Variants in HCFC2 observed in about 807,000 individuals in gnomAD.
HCFC2 encodes the protein host cell factor C2.
HCFC2 carries 18 observed loss-of-function variants against 89.2 expected under a neutral mutation model. The observed-to-expected ratio is 0.20, with a 90% CI of 0.14 to 0.30. HCFC2 has a LOEUF of 0.30. Among genes scored for constraint, HCFC2 ranks in the 10% least tolerant of loss-of-function variants. HCFC2 has a pLI of 1.00. For synonymous variants in HCFC2, 308 were observed against 335.7 expected (o/e 0.92, Z 0.90); for missense variants, 578 against 956.1 (o/e 0.60, Z 5.21).
chr12:104,088,123 T>C, intron 9 of HCFC2, 85 bp downstream of exon 9: 1 of 844,450 alleles, frequency 1.2e-6, no homozygotes, highest in Non-Finnish European at 1.8e-6. Context: ...ACTACTACTC[T>C]AGAAGAGGGG....
chr12:104,099,173 A>G (rs1297876232), intron 13 of HCFC2, among the ~76,000 whole-genome samples: 1 of 152,096 alleles, frequency 6.6e-6, no homozygotes, highest in African/African-American at 2.4e-5. Context: ...AACAGGAGCA[A>G]TGCGTGGAGT....
Position 104,096,358 on chromosome 12 carries a change from A to T in HCFC2, c.1667-2A>T. ...TTATCTGATAAATTGTTTAATTTTT[A>T]GTTGATGAAACATATGCACTGCCTG... is the stretch of plus-strand genomic sequence containing the variant. On this transcript the variant is annotated splice_acceptor_variant, in intron 11 of 14. Transcript: ENST00000229330. LOFTEE classifies it high-confidence loss of function. 6.3e-7 allele frequency: 1 copy of T among 1,581,992 alleles called. No individual in the cohort carries two copies. Among genetic ancestry groups the T allele is most frequent in the Non-Finnish European group, 8.6e-7 (1 of 1,158,924 alleles).
chr12:104,102,841 T>C lies in HCFC2; in HGVS notation c.2065-118T>C, dbSNP rs985423209. 1.3e-5 allele frequency: 11 copies of C among 815,432 alleles called. No homozygotes were observed. The African/African-American group carries it at 1.4e-4, about 10-fold the overall frequency. 50.5% of individuals were successfully genotyped at this position (815,432 alleles called of 1,614,324 possible). A position where few individuals can be genotyped will look rare whatever the true frequency, so the allele number is the denominator to read the frequency against. ...AATCAACAATAAAAGATGTAACATC[T>C]AATGCAATTATTTTAGTAAAAATGA... On this transcript the variant is annotated intron_variant, in intron 14 of 14. Coordinates refer to ENST00000229330, the MANE Select transcript of HCFC2 (RefSeq NM_013320.3).
Position 104,095,430 on chromosome 12 carries a change from A to G in HCFC2, c.1533A>G (p.Thr511=), listed in dbSNP as rs770841331. The part of the protein sequence containing the change: ...CLDVRTVIPE[T]SVSSTVSSTQ... ...ATGTAAGAACAGTAATTCCTGAAAC[A>G]TCTGTATCCAGTACTGTTTCCAGCA... The change falls in exon 11 of 15, where the codon ACA becomes ACG. Residue 511 remains threonine (T), a synonymous_variant. Transcript: ENST00000229330. The surrounding 1 kb of genome is among the most constrained non-coding windows in gnomAD (Gnocchi z 4.2). 1.2e-6 allele frequency: 2 copies of G among 1,613,790 alleles called. No individual in the cohort carries two copies. The highest frequency in any genetic ancestry group is 2.2e-5 in the East Asian group (1 of 44,816).
chr12:104,069,434 C>T (rs1241905817), intron 3 of HCFC2, among the ~76,000 whole-genome samples: 2 of 151,934 alleles, frequency 1.3e-5, no homozygotes, highest in Non-Finnish European at 2.9e-5. Context: ...TATCTTTTGA[C>T]CTACATTTCC....
At position 104,090,284 on chromosome 12, in the gene HCFC2, C is replaced by T. The variant is rs556528306; in HGVS notation, c.1284+2246C>T. Reference sequence around the variant, plus strand: ...ATTTTTTCTAGTGTCTTTTAGCATTCGGTGTTGGTATTGAAAAGTGTGATG... The same window carrying T: ...ATTTTTTCTAGTGTCTTTTAGCATTTGGTGTTGGTATTGAAAAGTGTGATG... On this transcript the variant is annotated intron_variant, in intron 9 of 14. Transcript: ENST00000229330. Among the ~76,000 whole-genome samples, 250 of 152,160 alleles carry T rather than the reference C, an allele frequency of 1.6e-3. 2 individuals carry two copies. The highest frequency in any genetic ancestry group is 5.8e-3 in the African/African-American group (240 of 41,536).
intron 13 of HCFC2, among the ~76,000 whole-genome samples, chr12:104,101,388 G>C (rs2136630882): frequency 6.6e-6 from 1 of 152,196 alleles, no homozygotes; most frequent in East Asian, 1.9e-4. Flanking sequence ...GGGAGGCTGA[G>C]GCAGGAGAAT....
intron 3 of HCFC2, among the ~76,000 whole-genome samples, chr12:104,072,804 A>G (rs1010529351): frequency 7.3e-5 from 11 of 151,720 alleles, no homozygotes; most frequent in South Asian, 2.1e-4. Flanking sequence ...CACCATGCCC[A>G]GCTAATTTTT....
Position 104,095,703 on chromosome 12 carries a change from G to T in HCFC2, c.1666+140G>T. ...TTTAACTTAATTTCTGTGAGCAAGA[G>T]TTTTCATTTGACCTAAATTTAACTT... On this transcript the variant is annotated intron_variant, in intron 11 of 14. Transcript: ENST00000229330. The surrounding 1 kb of genome is among the most constrained non-coding windows in gnomAD (Gnocchi z 4.2). 3.1e-6 allele frequency: 2 copies of T among 640,570 alleles called. No homozygotes were observed. The highest frequency in any genetic ancestry group is 4.4e-5 in the South Asian group (2 of 45,240). 39.7% of individuals were successfully genotyped at this position (640,570 alleles called of 1,614,324 possible).
At position 104,103,648 on chromosome 12, in the gene HCFC2, A is replaced by C. The variant is rs1192967964; in HGVS notation, c.*375A>C. 5.6e-6 allele frequency: 1 copy of C among 178,028 alleles called. No individual in the cohort carries two copies. The highest frequency in any genetic ancestry group is 1.2e-5 in the Non-Finnish European group (1 of 84,254). The allele number at this position is 178,028 out of a possible 1,614,324, so 11.0% of individuals were successfully genotyped here. On this transcript the variant is annotated 3_prime_UTR_variant, in exon 15 of 15. Coordinates refer to ENST00000229330, the MANE Select transcript of HCFC2 (RefSeq NM_013320.3). Reference sequence around the variant, plus strand: ...TGTTGTATACTATGCTGTCTTATATAGTAAATGTTCTCTACATTGTAAATG... The same window carrying C: ...TGTTGTATACTATGCTGTCTTATATCGTAAATGTTCTCTACATTGTAAATG...
rs770461805 is a variant in HCFC2, at chr12:104,102,952, C to G, written c.2065-7C>G. The G allele has an allele frequency of 1.1e-5, 18 of 1,594,902 alleles. No individual in the cohort carries two copies. In the South Asian group the frequency reaches 1.8e-4, roughly 16 times the overall value. On this transcript the variant is annotated splice_polypyrimidine_tract_variant and splice_region_variant and intron_variant, in intron 14 of 14. Transcript: ENST00000229330. The stretch of plus-strand genomic sequence containing the variant: ...CCTTTAACCTGTTTTTTCCCCCCCC[C>G]TTCAAGAATGTTGAAGGTATCCACC...
intron 9 of HCFC2, 32 bp from the exon 10 acceptor site, chr12:104,093,354 C>T: frequency 6.8e-7 from 1 of 1,472,234 alleles, no homozygotes; most frequent in Non-Finnish European, 9.3e-7. Flanking sequence ...TTGAATATTG[C>T]TTACTACAGT....
rs1217648184 is a variant in HCFC2, at chr12:104,105,170, T to C, written c.*1897T>C. 6.6e-6 allele frequency: 1 copy of C among 151,974 alleles called. No homozygotes were observed. Among genetic ancestry groups the C allele is most frequent in the East Asian group, 1.9e-4 (1 of 5,208 alleles). The allele number at this position is 151,974 out of a possible 1,614,324, so 9.4% of individuals were successfully genotyped here. A position where few individuals can be genotyped will look rare whatever the true frequency, so the allele number is the denominator to read the frequency against. On this transcript the variant is annotated 3_prime_UTR_variant, in exon 15 of 15. Transcript: ENST00000229330. ...TGCACATATTAAATATTAGGGTTTGTTGTGTATATGTGTATACTTAATTAT... is the reference window on the plus strand; with the variant it reads ...TGCACATATTAAATATTAGGGTTTGCTGTGTATATGTGTATACTTAATTAT...
At chr12:104,087,470 T>TATATATATATGTATATATATATAC (rs1465669746) in intron 8 of HCFC2, among the ~76,000 whole-genome samples, 1,011 of 7,298 alleles carry the variant, frequency 0.14, 12 homozygotes, top group Non-Finnish European at 0.25. Flanking sequence ...TATATACATA[T>TATATATATATGTATATATATATAC]ATATATATAT....
intron 13 of HCFC2, among the ~76,000 whole-genome samples, chr12:104,100,028 A>G (rs2029886888): frequency 6.6e-6 from 1 of 152,164 alleles, no homozygotes; most frequent in Non-Finnish European, 1.5e-5. Flanking sequence ...AAATAGCTCT[A>G]ATTTTGTTAA....
intron 8 of HCFC2, among the ~76,000 whole-genome samples, chr12:104,087,476 T>TATATATGTATATATATATACACACATAC (rs1199667792): frequency 2.1e-5 from 3 of 145,448 alleles, no homozygotes; most frequent in African/African-American, 7.7e-5. Context: ...CATATATATA[T>TATATATGTATATATATATACACACATAC]ATATATATGT....
intron 3 of HCFC2, among the ~76,000 whole-genome samples, chr12:104,075,701 C>T (rs959587874): frequency 6.6e-6 from 1 of 152,192 alleles, no homozygotes; most frequent in Non-Finnish European, 1.5e-5. Flanking sequence ...CTCAAGCAGT[C>T]CTCCTACCTC....
chr12:104,076,061 A>T (rs1031442033), intron 3 of HCFC2, among the ~76,000 whole-genome samples: 1 of 152,162 alleles, frequency 6.6e-6, no homozygotes, highest in Admixed American at 6.5e-5. Context: ...TTCACAGTCA[A>T]TTTTTGTGAT....
Position 104,068,137 on chromosome 12 carries a change from AT to A in HCFC2, c.473+34del, listed in dbSNP as rs1306618852. Reference sequence around the variant, plus strand: ...GCTGACTCTTTCAGACCAAATGCTTATTTTATGATTTAGAGTAGGAACATTT... The same window carrying A: ...GCTGACTCTTTCAGACCAAATGCTTATTTATGATTTAGAGTAGGAACATTT... On this transcript the variant is annotated intron_variant, in intron 3 of 14. Coordinates refer to ENST00000229330, the MANE Select transcript of HCFC2 (RefSeq NM_013320.3). The surrounding 1 kb of genome is among the most constrained non-coding windows in gnomAD (Gnocchi z 4.1). The A allele has an allele frequency of 1.3e-6, 2 of 1,519,850 alleles. No homozygotes were observed. 94.1% of individuals were successfully genotyped at this position (1,519,850 alleles called of 1,614,324 possible). A position where few individuals can be genotyped will look rare whatever the true frequency, so the allele number is the denominator to read the frequency against.
Sources: allele counts gnomAD v4.1 joint callset (sites outside exome capture counted in the v4.1 genomes callset), GRCh38; gene constraint gnomAD v4.1.1; non-coding constraint Gnocchi (gnomAD v3.1); transcripts MANE v1.5; gene names NCBI Gene and HGNC (gene_info 2026-07-23, HGNC 2026-07-21).